Variants in PPP1R16B observed in about 807,000 individuals in gnomAD.
The protein encoded by PPP1R16B is protein phosphatase 1 regulatory subunit 16B.
A neutral mutation model predicts 61.7 loss-of-function variants in PPP1R16B; 14 were observed. The observed-to-expected ratio is 0.23, with a 90% CI of 0.15 to 0.35. PPP1R16B has a LOEUF of 0.35. Among genes scored for constraint, PPP1R16B ranks in the 10% least tolerant of loss-of-function variants. The pLI is 1.00. For synonymous variants in PPP1R16B, 266 were observed against 305.3 expected (o/e 0.87, Z 1.34); for missense variants, 547 against 752.5 (o/e 0.73, Z 3.19).
At chr20:38,911,843 C>A (rs1437822199) in intron 10 of PPP1R16B, among the ~76,000 whole-genome samples, 2 of 152,172 alleles carry the variant, frequency 1.3e-5, no homozygotes, top group African/African-American at 4.8e-5. Context: ...GGCCTCCATT[C>A]TCCTTTTGGT....
chr20:38,812,850 T>C (rs2084710124), intron 1 of PPP1R16B, among the ~76,000 whole-genome samples: 1 of 152,200 alleles, frequency 6.6e-6, no homozygotes. Flanking sequence ...CTTACTTGGA[T>C]AGGGAGAAGG....
intron 2 of PPP1R16B, among the ~76,000 whole-genome samples, chr20:38,857,761 G>GTGAC (rs1245294305): frequency 8.6e-5 from 13 of 152,030 alleles, no homozygotes; most frequent in African/African-American, 2.9e-4. Context: ...AGGGCACTCA[G>GTGAC]TGACTGATGG....
Position 38,895,957 on chromosome 20 carries a change from TTTC to T in PPP1R16B, c.467+253_467+255del, listed in dbSNP as rs1192958460. ...CCTTCTTTCTTCCCTCCCTCCCTCCTTTCTTCTTTCTTCCCTCCCTCCCTCCTT... is the reference window on the plus strand; with the variant it reads ...CCTTCTTTCTTCCCTCCCTCCCTCCTTTCTTTCTTCCCTCCCTCCCTCCTT... On this transcript the variant is annotated intron_variant, in intron 4 of 10. Coordinates refer to ENST00000299824, the MANE Select transcript of PPP1R16B (RefSeq NM_015568.4). Among the ~76,000 whole-genome samples the T allele has an allele frequency of 7.4e-5, 7 of 95,230 alleles. 1 individual carries two copies. The East Asian group carries it at 1.2e-3, about 17-fold the overall frequency. 62.5% of individuals were successfully genotyped at this position (95,230 alleles called of 152,430 possible).
At chr20:38,909,309 CT>C (rs1326030803) in intron 10 of PPP1R16B, among the ~76,000 whole-genome samples, 1 of 152,178 alleles carries the variant, frequency 6.6e-6, no homozygotes, top group Admixed American at 6.5e-5. Flanking sequence ...CTGTTTTTTC[CT>C]CTTATGAGGA....
At position 38,900,499 on chromosome 20, in the gene PPP1R16B, A is replaced by G. The variant is rs1050136242; in HGVS notation, c.468-82A>G. The G allele has an allele frequency of 3.9e-6, 4 of 1,036,406 alleles. No individual in the cohort carries two copies. In the East Asian group the frequency reaches 1.1e-4, roughly 28 times the overall value. The allele number at this position is 1,036,406 out of a possible 1,614,324, so 64.2% of individuals were successfully genotyped here. On this transcript the variant is annotated intron_variant, in intron 4 of 10. Coordinates refer to ENST00000299824, the MANE Select transcript of PPP1R16B (RefSeq NM_015568.4). ...GTGCCGGGTTGTACAGTAGGATTGCAGGCGAGAGGCCAGAGGGCAGAGGCA... is the reference window on the plus strand; with the variant it reads ...GTGCCGGGTTGTACAGTAGGATTGCGGGCGAGAGGCCAGAGGGCAGAGGCA...
intron 4 of PPP1R16B, among the ~76,000 whole-genome samples, chr20:38,898,654 A>G (rs1191666886): frequency 6.6e-6 from 1 of 152,136 alleles, no homozygotes; most frequent in Non-Finnish European, 1.5e-5. Flanking sequence ...TACTAAAAAT[A>G]CAAAAATTAG....
At position 38,919,855 on chromosome 20, in the gene PPP1R16B, T is replaced by A. The variant is rs2085578107; in HGVS notation, c.*1189T>A. 1 of 152,380 alleles carries A rather than the reference T, an allele frequency of 6.6e-6. No individual in the cohort carries two copies. 9.4% of individuals were successfully genotyped at this position (152,380 alleles called of 1,614,324 possible). On this transcript the variant is annotated 3_prime_UTR_variant, in exon 11 of 11. Transcript: ENST00000299824. ...CAGCCTGCCTCCACCTCCCACCCCC[T>A]TCCACCTCCATCAGTCATGTGTGCA...
At chr20:38,893,139 G>A (rs1371950871) in intron 3 of PPP1R16B, among the ~76,000 whole-genome samples, 1 of 152,186 alleles carries the variant, frequency 6.6e-6, no homozygotes, top group Non-Finnish European at 1.5e-5. Flanking sequence ...ATTAAATGAG[G>A]CAATGCATGG....
chr20:38,902,714 G>A lies in PPP1R16B; in HGVS notation c.618G>A (p.Gln206=). 6.2e-7 allele frequency: 1 copy of A among 1,614,260 alleles called. No individual in the cohort carries two copies. Among genetic ancestry groups the A allele is most frequent in the Non-Finnish European group, 8.5e-7 (1 of 1,180,052 alleles). The change falls in exon 6 of 11, where the codon CAG becomes CAA. Residue 206 remains glutamine, a synonymous_variant. Transcript: ENST00000299824. ...ACGAGATGCGGGTGGCTCCTGAGCAGCAGATGATTGCGGACATCCACTGCA... is the reference window on the plus strand; with the variant it reads ...ACGAGATGCGGGTGGCTCCTGAGCAACAGATGATTGCGGACATCCACTGCA... ...KINEMRVAPE[Q]QMIADIHCMI...
chr20:38,826,383 C>A (rs961060616), intron 1 of PPP1R16B, among the ~76,000 whole-genome samples: 1 of 152,134 alleles, frequency 6.6e-6, no homozygotes, highest in African/African-American at 2.4e-5. Context: ...TGTGTGTGCC[C>A]CTGTCCTTGG....
chr20:38,858,670 A>G (rs527893135), intron 2 of PPP1R16B, among the ~76,000 whole-genome samples: 1 of 152,230 alleles, frequency 6.6e-6, no homozygotes, highest in East Asian at 1.9e-4. Flanking sequence ...AACTCTGGAG[A>G]GGGCAGTGGG....
chr20:38,875,406 G>C (rs996706508), intron 2 of PPP1R16B, among the ~76,000 whole-genome samples: 1 of 152,210 alleles, frequency 6.6e-6, no homozygotes, highest in African/African-American at 2.4e-5. Flanking sequence ...GCTGCTGCAC[G>C]GGCAGAAGAT....
chr20:38,847,443 G>A (rs755013778), intron 2 of PPP1R16B, among the ~76,000 whole-genome samples: 4 of 152,018 alleles, frequency 2.6e-5, no homozygotes, highest in African/African-American at 4.8e-5. Flanking sequence ...TGCAACCTCC[G>A]CCTCCTGGAT....
chr20:38,894,467 G>A (rs540996308), intron 3 of PPP1R16B, among the ~76,000 whole-genome samples: 1 of 152,324 alleles, frequency 6.6e-6, no homozygotes, highest in Non-Finnish European at 1.5e-5. Context: ...GTACGTGGGC[G>A]TGCACGCGCA....
At chr20:38,850,412 ATAAT>A (rs1382028694) in intron 2 of PPP1R16B, among the ~76,000 whole-genome samples, 5 of 152,234 alleles carry the variant, frequency 3.3e-5, no homozygotes, top group African/African-American at 1.2e-4. Flanking sequence ...TTGTCAGGCC[ATAAT>A]TAAATATATT....
chr20:38,906,936 A>G, intron 7 of PPP1R16B, 43 bp from the exon 8 acceptor site: 1 of 1,556,730 alleles, frequency 6.4e-7, no homozygotes, highest in Non-Finnish European at 8.9e-7. Context: ...AGGCTTTCTG[A>G]GCTCTGGGCA....
intron 1 of PPP1R16B, among the ~76,000 whole-genome samples, 195 bp downstream of exon 1, chr20:38,805,987 T>A (rs1369158280): frequency 6.6e-6 from 1 of 150,634 alleles, no homozygotes; most frequent in African/African-American, 2.4e-5. Context: ...GAGCGCTAGG[T>A]CCGGGAGTCG....
chr20:38,815,616 C>G (rs2084730597), intron 1 of PPP1R16B, among the ~76,000 whole-genome samples: 1 of 152,228 alleles, frequency 6.6e-6, no homozygotes, highest in Non-Finnish European at 1.5e-5. Context: ...GTTTCCTCAA[C>G]AGTGTATGAC....
chr20:38,914,773 A>G (rs1490233538), intron 10 of PPP1R16B, among the ~76,000 whole-genome samples: 1 of 152,068 alleles, frequency 6.6e-6, no homozygotes, highest in African/African-American at 2.4e-5. Flanking sequence ...GGCTCAAGTG[A>G]TCCTCCTGCC....
Sources: allele counts gnomAD v4.1 joint callset (sites outside exome capture counted in the v4.1 genomes callset), GRCh38; gene constraint gnomAD v4.1.1; transcripts MANE v1.5; gene names NCBI Gene and HGNC (gene_info 2026-07-23, HGNC 2026-07-21).